NRDC: variants seen among roughly 807,000 people sequenced by gnomAD.
The protein encoded by NRDC is nardilysin.
NRDC carries 54 observed loss-of-function variants against 147.1 expected under a neutral mutation model. The observed-to-expected ratio is 0.37, with a 90% confidence interval of 0.29 to 0.46. The LOEUF is 0.46. Ranked by LOEUF, NRDC falls within the 20% of genes least tolerant of loss-of-function variation. The pLI is 1.00. For synonymous variants in NRDC, 440 were observed against 482.1 expected (o/e 0.91, Z 1.14); for missense variants, 1,082 against 1,370.6 (o/e 0.79, Z 3.33).
At chr1:51,812,952 ACT>A (rs1219632099) in intron 14 of NRDC, among the ~76,000 whole-genome samples, 9 of 105,208 alleles carry the variant, frequency 8.6e-5, no homozygotes, top group African/African-American at 3.1e-4. Context: ...ACAGAGCAAG[ACT>A]CTGTCTCAAA....
intron 1 of NRDC, among the ~76,000 whole-genome samples, chr1:51,851,546 GAA>G (rs199712684): frequency 3.5e-5 from 5 of 140,944 alleles, no homozygotes; most frequent in Admixed American, 7.0e-5. Context: ...TGGGCCCAAG[GAA>G]AAAAAAAAAA....
At chr1:51,802,085 C>T (rs1679236705) in intron 20 of NRDC, among the ~76,000 whole-genome samples, 3 of 152,126 alleles carry the variant, frequency 2.0e-5, no homozygotes, top group African/African-American at 7.2e-5. Context: ...CCGCGCCAGG[C>T]TGAGGTTTTT....
intron 2 of NRDC, chr1:51,839,977 G>C: frequency 3.0e-6 from 1 of 331,008 alleles, no homozygotes; most frequent in East Asian, 5.7e-5. Flanking sequence ...GATTACCTCT[G>C]AGAGATATAG....
intron 28 of NRDC, 35 bp from the exon 29 acceptor site, chr1:51,790,684 G>A (rs768671808): frequency 4.2e-6 from 6 of 1,428,730 alleles, no homozygotes; most frequent in Non-Finnish European, 5.9e-6. Context: ...CTCAGGTGAG[G>A]CAACATACCA....
chr1:51,844,060 G>A (rs1224457226), intron 1 of NRDC, among the ~76,000 whole-genome samples: 1 of 152,016 alleles, frequency 6.6e-6, no homozygotes, highest in Non-Finnish European at 1.5e-5. Flanking sequence ...TATTTCCTTA[G>A]AGCATGTTGT....
In NRDC at chr1:51,792,083, G is replaced by A; in HGVS notation, c.2839C>T (p.Pro947Ser). Residue 947 changes from proline to serine, a missense_variant, in exon 26 of 31, where the codon CCT becomes TCT. Pro to Ser is a moderately conservative substitution (Grantham distance 74). This residue lies in a region of NRDC where 635 missense variants were observed against 923.8 expected (regional missense o/e 0.69). Transcript: ENST00000352171. ...TTGGTTCGAAGGAAGTCAAAACAAGGTTCTTCCATGTGCATCTGTAATTCA... is the reference window on the plus strand; with the variant it reads ...TTGGTTCGAAGGAAGTCAAAACAAGATTCTTCCATGTGCATCTGTAATTCA... Reference protein sequence around the residue: ...MELLVMHMEEPCFDFLRTKQT... With the variant: ...MELLVMHMEESCFDFLRTKQT... 1 of 1,613,918 alleles carries A rather than the reference G, an allele frequency of 6.2e-7. No individual in the cohort carries two copies. The highest frequency in any genetic ancestry group is 8.5e-7 in the Non-Finnish European group (1 of 1,179,988).
Position 51,846,526 on chromosome 1 carries a change from G to C in NRDC, c.342-6012C>G, listed in dbSNP as rs185000397. 5.3e-5 allele frequency among the ~76,000 whole-genome samples: 8 copies of C among 152,370 alleles called. No homozygotes were observed. The East Asian group carries it at 1.5e-3, about 29-fold the overall frequency. ...GCGGAGCCCCGCGGTGAGTGTTACA[G>C]TTCTTAAAAGCGGCTTGTTTGGAGT... is the stretch of plus-strand genomic sequence containing the variant. On this transcript the variant is annotated intron_variant, in intron 1 of 30. Coordinates refer to ENST00000352171, the MANE Select transcript of NRDC (RefSeq NM_001101662.2).
intron 5 of NRDC, among the ~76,000 whole-genome samples, chr1:51,826,343 T>G (rs1409266607): frequency 6.6e-6 from 1 of 152,198 alleles, no homozygotes; most frequent in Non-Finnish European, 1.5e-5. Flanking sequence ...ATAGCAGACA[T>G]GTAAACATAT....
intron 18 of NRDC, among the ~76,000 whole-genome samples, chr1:51,805,989 C>T (rs1308298834): frequency 6.6e-6 from 1 of 151,992 alleles, no homozygotes; most frequent in Non-Finnish European, 1.5e-5. Flanking sequence ...AAATAACTTC[C>T]CAATAAACTC....
intron 1 of NRDC, among the ~76,000 whole-genome samples, chr1:51,872,806 C>T (rs1683143182): frequency 6.6e-6 from 1 of 152,160 alleles, no homozygotes; most frequent in South Asian, 2.1e-4. Flanking sequence ...TAACATATTT[C>T]AATCTTAAAA....
At chr1:51,829,627 T>C (rs1680612984) in intron 4 of NRDC, among the ~76,000 whole-genome samples, 1 of 152,168 alleles carries the variant, frequency 6.6e-6, no homozygotes, top group African/African-American at 2.4e-5. Flanking sequence ...TCTACTTCAA[T>C]TTTCTCTCTC....
intron 3 of NRDC, among the ~76,000 whole-genome samples, chr1:51,835,452 T>C (rs549081878): frequency 2.7e-5 from 4 of 150,134 alleles, no homozygotes; most frequent in Non-Finnish European, 5.9e-5. Context: ...AATTTCTAGG[T>C]TTTTTTTGTT....
chr1:51,796,299 C>CACAGTCTCAGTTTA (rs1678908126), intron 22 of NRDC, among the ~76,000 whole-genome samples: 1 of 151,760 alleles, frequency 6.6e-6, no homozygotes. Flanking sequence ...AGTGCAGTGG[C>CACAGTCTCAGTTTA]GTGATCTCGG....
rs762397773 is a variant in NRDC at position 51,789,399 on chromosome 1, T to A, written c.3293A>T (p.Asp1098Val). The A allele has an allele frequency of 6.2e-7, 1 of 1,614,120 alleles. No individual in the cohort carries two copies. The highest frequency in any genetic ancestry group is 8.5e-7 in the Non-Finnish European group (1 of 1,180,006). Residue 1098 changes from aspartate to valine, a missense_variant, in exon 31 of 31, where the codon GAT (aspartate) becomes GTT (valine). Physicochemically the swap from Asp to Val is radical, Grantham distance 152. Coordinates refer to ENST00000352171, the MANE Select transcript of NRDC (RefSeq NM_001101662.2). ...TGAATCCTCACTAGAAGGGGTACCA[T>A]CCTCTTCCAGTTCATACTTCCCATA... ...VGYGKYELEE[D>V]GTPSSEDSNS...
At chr1:51,835,174 G>T (rs1463861823) in intron 3 of NRDC, among the ~76,000 whole-genome samples, 1 of 151,932 alleles carries the variant, frequency 6.6e-6, no homozygotes, top group Non-Finnish European at 1.5e-5. Flanking sequence ...TGATTCTCCT[G>T]CCTCAGCCTC....
intron 3 of NRDC, among the ~76,000 whole-genome samples, chr1:51,835,723 T>C (rs913480802): frequency 6.6e-6 from 1 of 152,194 alleles, no homozygotes; most frequent in African/African-American, 2.4e-5. Context: ...CACCTCAGCC[T>C]CCCAGAGTGC....
At chr1:51,790,758 GC>G (rs1425537816) in intron 28 of NRDC, 109 bp from the exon 29 acceptor site, 2 of 974,574 alleles carry the variant, frequency 2.1e-6, no homozygotes, top group Non-Finnish European at 3.3e-6. Flanking sequence ...AGTATAAGAG[GC>G]ACGGATGAAG....
chr1:51,828,718 C>CTTTT (rs34609463), intron 4 of NRDC, among the ~76,000 whole-genome samples: 4 of 136,436 alleles, frequency 2.9e-5, no homozygotes, highest in South Asian at 2.3e-4. Context: ...GTTTAGTAAA[C>CTTTT]TTTTTTTTTT....
intron 16 of NRDC, among the ~76,000 whole-genome samples, chr1:51,809,668 G>T (rs1402289659): frequency 6.6e-6 from 1 of 152,052 alleles, no homozygotes. Flanking sequence ...AGGCTGAGGT[G>T]GGTGGATCAC....
Sources: gnomAD v4.1 joint callset for allele counts (sites outside exome capture counted in the v4.1 genomes callset) on GRCh38, gnomAD v4.1.1 for gene constraint, gnomAD v4.1.1 regional missense constraint, MANE v1.5 for transcripts, NCBI Gene and HGNC (gene_info 2026-07-23, HGNC 2026-07-21) for gene names.